Variants in GRIK2 observed in about 807,000 individuals in gnomAD.
GRIK2 encodes the protein glutamate receptor ionotropic, kainate 2.
In GRIK2, 32 loss-of-function variants were observed where a neutral mutation model predicts 100.3. The observed-to-expected ratio is 0.32, with a 90% CI of 0.24 to 0.43. The LOEUF is 0.43. Ranked by LOEUF, GRIK2 falls within the 20% of genes least tolerant of loss-of-function variation. The pLI, the probability that GRIK2 is intolerant of heterozygous loss-of-function variation, is 1.00. For missense variants in GRIK2, 843 were observed against 1,114.9 expected, an observed-to-expected ratio of 0.76 and a Z score of 3.47; for synonymous variants, 417 against 389.4, an observed-to-expected ratio of 1.07 and a Z score of -0.83.
intron 10 of GRIK2, among the ~76,000 whole-genome samples, chr6:101,836,821 A>G (rs953822893): frequency 1.3e-5 from 2 of 151,422 alleles, no homozygotes; most frequent in African/African-American, 4.9e-5. Context: ...GCACGCCACC[A>G]CGCCTGGCTA....
At chr6:101,577,651 T>C (rs1582753339) in intron 2 of GRIK2, among the ~76,000 whole-genome samples, 2 of 152,174 alleles carry the variant, frequency 1.3e-5, no homozygotes, top group South Asian at 4.2e-4. Flanking sequence ...GTGTTATGAA[T>C]CAACATAGGT....
intron 2 of GRIK2, among the ~76,000 whole-genome samples, chr6:101,538,880 C>A (rs565365069): frequency 1.3e-5 from 2 of 151,742 alleles, no homozygotes; most frequent in Admixed American, 1.3e-4. Flanking sequence ...CAGAGACCTC[C>A]TTTGTCAGCT....
chr6:101,623,239 C>A (rs182182336), intron 3 of GRIK2, among the ~76,000 whole-genome samples: 2 of 152,094 alleles, frequency 1.3e-5, no homozygotes, highest in Non-Finnish European at 2.9e-5. Context: ...AAGTATCCTT[C>A]TTTTCCCCCA....
chr6:101,412,495 C>G (rs2128238269), intron 2 of GRIK2, among the ~76,000 whole-genome samples: 1 of 151,988 alleles, frequency 6.6e-6, no homozygotes, highest in African/African-American at 2.4e-5. Context: ...GTATTAATAT[C>G]ATGATAATCA....
At chr6:101,874,996 G>T (rs1582431933) in intron 11 of GRIK2, among the ~76,000 whole-genome samples, 2 of 152,148 alleles carry the variant, frequency 1.3e-5, no homozygotes, top group East Asian at 3.9e-4. Flanking sequence ...GGAAATTTTG[G>T]GCTGAGATGA....
At chr6:101,952,364 T>C (rs2128479664) in intron 14 of GRIK2, among the ~76,000 whole-genome samples, 1 of 152,340 alleles carries the variant, frequency 6.6e-6, no homozygotes, top group Admixed American at 6.5e-5. Flanking sequence ...GTTTTGGCTA[T>C]TTTGAGCAAA....
chr6:101,829,187 A>G (rs1047366914), intron 10 of GRIK2, among the ~76,000 whole-genome samples: 1 of 152,102 alleles, frequency 6.6e-6, no homozygotes, highest in African/African-American at 2.4e-5. Context: ...AGATGCAGAA[A>G]TGCATTCAAT....
chr6:101,614,041 C>CA (rs1047250709), intron 2 of GRIK2, among the ~76,000 whole-genome samples: 1 of 151,604 alleles, frequency 6.6e-6, no homozygotes, highest in African/African-American at 2.4e-5. Flanking sequence ...ATAAGTTTGT[C>CA]ATTCCTGGAG....
chr6:102,059,313 C>T (rs981311421), intron 16 of GRIK2, among the ~76,000 whole-genome samples: 1 of 151,116 alleles, frequency 6.6e-6, no homozygotes, highest in African/African-American at 2.4e-5. Flanking sequence ...TTTATTTATT[C>T]AAACTTTTAA....
intron 10 of GRIK2, among the ~76,000 whole-genome samples, chr6:101,841,078 G>C (rs1783468370): frequency 6.6e-6 from 1 of 151,842 alleles, no homozygotes; most frequent in African/African-American, 2.4e-5. Flanking sequence ...AATTTACATT[G>C]TTGGCAAGTA....
At chr6:101,493,319 T>A (rs945241589) in intron 2 of GRIK2, among the ~76,000 whole-genome samples, 1 of 151,886 alleles carries the variant, frequency 6.6e-6, no homozygotes, top group Non-Finnish European at 1.5e-5. Context: ...ACAATGAAAC[T>A]GCACGGTATC....
chr6:101,587,681 A>G (rs1201679234), intron 2 of GRIK2, among the ~76,000 whole-genome samples: 1 of 152,168 alleles, frequency 6.6e-6, no homozygotes, highest in Non-Finnish European at 1.5e-5. Context: ...AGGTATTAGA[A>G]AGCAACATTG....
chr6:101,749,509 C>G (rs548984455), intron 7 of GRIK2, among the ~76,000 whole-genome samples: 1 of 152,224 alleles, frequency 6.6e-6, no homozygotes, highest in African/African-American at 2.4e-5. Context: ...AGAGCCTGGC[C>G]TAAAACCTGG....
intron 2 of GRIK2, among the ~76,000 whole-genome samples, chr6:101,499,041 A>C (rs1229157591): frequency 1.3e-5 from 2 of 152,144 alleles, no homozygotes; most frequent in African/African-American, 2.4e-5. Context: ...TTCCCTATTT[A>C]ATAAATGGTG....
At chr6:101,605,178 G>A (rs1027197235) in intron 2 of GRIK2, among the ~76,000 whole-genome samples, 1 of 151,902 alleles carries the variant, frequency 6.6e-6, no homozygotes, top group African/African-American at 2.4e-5. Flanking sequence ...ATGTTCAGAA[G>A]GCCTGAATTT....
At chr6:101,545,026 T>C (rs1353597261) in intron 2 of GRIK2, among the ~76,000 whole-genome samples, 1 of 152,212 alleles carries the variant, frequency 6.6e-6, no homozygotes, top group Non-Finnish European at 1.5e-5. Flanking sequence ...AAGTAGTATG[T>C]TCAAAGCTGA....
intron 9 of GRIK2, among the ~76,000 whole-genome samples, chr6:101,810,510 C>G (rs1394799749): frequency 6.6e-6 from 1 of 152,056 alleles, no homozygotes; most frequent in African/African-American, 2.4e-5. Flanking sequence ...GTTCTTTGCC[C>G]TATCCTTATA....
intron 10 of GRIK2, among the ~76,000 whole-genome samples, chr6:101,846,219 A>G (rs916789783): frequency 1.3e-5 from 2 of 152,144 alleles, no homozygotes; most frequent in Non-Finnish European, 2.9e-5. Flanking sequence ...TGTCATATCA[A>G]AAAATCCATT....
At chr6:101,725,616 G>A (rs1246639210) in intron 7 of GRIK2, among the ~76,000 whole-genome samples, 1 of 151,936 alleles carries the variant, frequency 6.6e-6, no homozygotes, top group South Asian at 2.1e-4. Context: ...ATATTTTTAT[G>A]TTACAGGTAG....
Sources: allele counts gnomAD v4.1 joint callset (sites outside exome capture counted in the v4.1 genomes callset), GRCh38; gene constraint gnomAD v4.1.1; transcripts MANE v1.5; gene names NCBI Gene and HGNC (gene_info 2026-07-23, HGNC 2026-07-21).